PIH1D2: variants seen among roughly 807,000 people sequenced by gnomAD.
The protein encoded by PIH1D2 is PIH1 domain containing 2.
PIH1D2 carries 25 observed loss-of-function variants against 31.2 expected under a neutral mutation model. The observed-to-expected ratio is 0.80, with a 90% CI of 0.58 to 1.12. The LOEUF (loss-of-function observed/expected upper bound fraction) is 1.12, where lower values mean the gene tolerates loss of function less well. PIH1D2 is among the 50% of genes most tolerant of loss of function. PIH1D2 has a pLI of 0.00. For synonymous variants in PIH1D2, 116 were observed against 119.9 expected (o/e 0.97, Z 0.21); for missense variants, 310 against 356.6 (o/e 0.87, Z 1.05).
downstream of PIH1D2, among the ~76,000 whole-genome samples, chr11:112,060,321 C>T (rs587593709): frequency 2.0e-5 from 3 of 151,910 alleles, no homozygotes; most frequent in Non-Finnish European, 2.9e-5. Context: ...CCACCACGCC[C>T]GGCTAGTTTT....
chr11:112,057,789 C>G, the PIH1D2 span, among the ~76,000 whole-genome samples: 11 of 152,160 alleles, frequency 7.2e-5, no homozygotes, highest in Non-Finnish European at 8.8e-5. Context: ...ATTGATATCC[C>G]TCATCAGTCG....
At chr11:112,064,349 TG>T (rs1864823916), downstream of PIH1D2, 4 of 738,826 alleles carry the variant, frequency 5.4e-6, no homozygotes, top group South Asian at 9.6e-5. Context: ...ATAGTGTTTT[TG>T]GTTCATATGA....
At chr11:112,061,739 C>T (rs1864642291), downstream of PIH1D2, among the ~76,000 whole-genome samples, 1 of 152,102 alleles carries the variant, frequency 6.6e-6, no homozygotes, top group Admixed American at 6.6e-5. Flanking sequence ...CATGTACTAC[C>T]ACACTTGGCT....
At chr11:112,064,242 G>C (rs377392036), downstream of PIH1D2, 163 of 1,544,680 alleles carry the variant, frequency 1.1e-4, 3 homozygotes, top group African/African-American at 2.0e-3. Context: ...AATAAAAACA[G>C]TTGCCTTCTA....
At chr11:112,060,440 A>G (rs1555183094), downstream of PIH1D2, among the ~76,000 whole-genome samples, 2 of 151,682 alleles carry the variant, frequency 1.3e-5, no homozygotes, top group East Asian at 2.0e-4. Flanking sequence ...GATTACAGGC[A>G]TGAGCCACCA....
chr11:112,072,906 AAAT>A, intron 2 of PIH1D2, 89 bp downstream of exon 2: 1 of 1,289,092 alleles, frequency 7.8e-7, no homozygotes, highest in Non-Finnish European at 1.0e-6. Flanking sequence ...AAAACAAAAA[AAAT>A]TAGCAATACC....
At chr11:112,058,625 TG>T (rs1169416538), downstream of PIH1D2, among the ~76,000 whole-genome samples, 2,366 of 71,964 alleles carry the variant, frequency 0.033, 40 homozygotes, top group African/African-American at 0.11. Flanking sequence ...AAGGGGGGGG[TG>T]GGGGGGGGGA....
the PIH1D2 span, among the ~76,000 whole-genome samples, chr11:112,052,788 G>C: frequency 3.9e-5 from 6 of 152,092 alleles, no homozygotes; most frequent in African/African-American, 1.4e-4. Context: ...TCAGTGGGTA[G>C]AGCTAAAAGT....
downstream of PIH1D2, chr11:112,059,816 G>C (rs988968248): frequency 2.8e-5 from 34 of 1,226,632 alleles, no homozygotes; most frequent in Non-Finnish European, 3.7e-5. Context: ...AAAAATTTTT[G>C]AAGTAAATAT....
downstream of PIH1D2, chr11:112,063,915 T>C: frequency 2.7e-6 from 1 of 365,872 alleles, no homozygotes; most frequent in Admixed American, 4.3e-5. Context: ...GTATATGTAA[T>C]ATGTGGAGTT....
chr11:112,061,422 G>T (rs938807231), downstream of PIH1D2: 1 of 454,148 alleles, frequency 2.2e-6, no homozygotes, highest in Non-Finnish European at 4.0e-6. Context: ...CCAGTGTAGT[G>T]CCCGGTGTGC....
chr11:112,072,549 C>CAAAAAA (rs148760956), intron 2 of PIH1D2, among the ~76,000 whole-genome samples: 3 of 36,338 alleles, frequency 8.3e-5, no homozygotes, highest in African/African-American at 3.5e-4. Context: ...GACCCTATCT[C>CAAAAAA]AAAAAAAAAA....
At chr11:112,072,896 AAAAC>A (rs879973934) in intron 2 of PIH1D2, 98 bp downstream of exon 2, 22,479 of 1,231,188 alleles carry the variant, frequency 0.018, 115 homozygotes, top group African/African-American at 0.023. Flanking sequence ...AAACAAAAAA[AAAAC>A]AAAAAAAATT....
rs1555184521 is a variant in PIH1D2, at chr11:112,071,049, T to C, written c.536A>G (p.Lys179Arg). 11 of 1,612,510 alleles carry C rather than the reference T, an allele frequency of 6.8e-6. No homozygotes were observed. The highest frequency in any genetic ancestry group is 8.5e-6 in the Non-Finnish European group (10 of 1,179,634). ...IQTDSIDLREKMRRELTLGQI... is the reference protein window; with the variant it reads ...IQTDSIDLRERMRRELTLGQI... Reference sequence around the variant, plus strand: ...AATCATCAACTTACCCCTTCTCATTTTTTCTCTTAAATCTATGGAATCAGT... The same window carrying C: ...AATCATCAACTTACCCCTTCTCATTCTTTCTCTTAAATCTATGGAATCAGT... Residue 179 changes from lysine (K) to arginine (R), a missense_variant, in exon 4 of 6, where the codon AAA becomes AGA. Physicochemically the swap from Lys to Arg is conservative, Grantham distance 26 (BLOSUM62 2). Coordinates refer to ENST00000280350, the MANE Select transcript of PIH1D2 (RefSeq NM_138789.4).
rs1425917 is a variant in PIH1D2, at chr11:112,071,235, G to C, written c.350C>G (p.Ala117Gly). The C allele has an allele frequency of 1.2e-6, 2 of 1,613,488 alleles. No individual in the cohort carries two copies. Among genetic ancestry groups the C allele is most frequent in the Non-Finnish European group, 1.7e-6 (2 of 1,179,658 alleles). The change falls in exon 4 of 6, where the codon GCA becomes GGA. Residue 117 changes from alanine to glycine, a missense_variant. Transcript: ENST00000280350. ...TTTTTTCACTTGGTCCTTTTCTGCT[G>C]CATGAAGAACATCAGGATTGTAGGC... ...DVAYNPDVLH[A>G]AEKDQVKKNQ... is the part of the protein sequence containing the mutation.
chr11:112,066,285 C>T (rs756594398), downstream of PIH1D2, among the ~76,000 whole-genome samples: 13 of 152,150 alleles, frequency 8.5e-5, no homozygotes, highest in Non-Finnish European at 1.6e-4. Flanking sequence ...TACTTCTGAT[C>T]ATTTCTTTAG....
chr11:112,071,773 A>G lies in PIH1D2; in HGVS notation c.178-15T>C, dbSNP rs782614778. ...TCTTTTGGTTTCTGGAAAGCAAATA[A>G]TTTTGCACATCTCAAAACCTAGTTT... On this transcript the variant is annotated splice_polypyrimidine_tract_variant and intron_variant, in intron 2 of 5. Transcript: ENST00000280350. 1 of 1,613,746 alleles carries G rather than the reference A, an allele frequency of 6.2e-7. No individual in the cohort carries two copies. Among genetic ancestry groups the G allele is most frequent in the East Asian group, 2.2e-5 (1 of 44,884 alleles).
downstream of PIH1D2, among the ~76,000 whole-genome samples, chr11:112,066,994 C>T (rs1383005782): frequency 2.0e-5 from 3 of 151,600 alleles, no homozygotes; most frequent in African/African-American, 7.3e-5. Context: ...ACCTGGGAGG[C>T]GAAGGTTGCA....
At chr11:112,068,689 C>A (rs1229602934) in intron 5 of PIH1D2, among the ~76,000 whole-genome samples, 1 of 151,994 alleles carries the variant, frequency 6.6e-6, no homozygotes, top group Non-Finnish European at 1.5e-5. Flanking sequence ...GAGGCTGAGG[C>A]AGGAGAATCG....
Sources: allele counts gnomAD v4.1 joint callset (sites outside exome capture counted in the v4.1 genomes callset), GRCh38; gene constraint gnomAD v4.1.1; transcripts MANE v1.5; gene names NCBI Gene and HGNC (gene_info 2026-07-23, HGNC 2026-07-21).